RANBP2: variants seen among roughly 807,000 people sequenced by gnomAD.
RANBP2 encodes E3 SUMO-protein ligase RanBP2.
RANBP2 carries 57 observed loss-of-function variants against 303.6 expected under a neutral mutation model. The observed-to-expected ratio is 0.19, with a 90% confidence interval of 0.15 to 0.23. The LOEUF is 0.23. Among genes scored for constraint, RANBP2 ranks in the 10% least tolerant of loss-of-function variants. RANBP2 has a pLI of 1.00. For synonymous variants in RANBP2, 1,167 were observed against 1,301.5 expected (o/e 0.90, Z 2.23); for missense variants, 3,138 against 3,780.8 (o/e 0.83, Z 4.46).
the RANBP2 span, among the ~76,000 whole-genome samples, chr2:109,194,498 G>T: frequency 6.6e-6 from 1 of 152,256 alleles, no homozygotes; most frequent in Non-Finnish European, 1.5e-5. Flanking sequence ...ACAGGTGGGT[G>T]GTGCGCATCT....
rs180997571 is a variant in RANBP2 at position 108,742,508 on chromosome 2, G to T, written c.975+1827G>T. Among the ~76,000 whole-genome samples the T allele has an allele frequency of 1.9e-3, 289 of 151,958 alleles. 3 individuals carry two copies. Among genetic ancestry groups the T allele is most frequent in the African/African-American group, 6.8e-3 (280 of 41,436 alleles). On this transcript the variant is annotated intron_variant, in intron 7 of 28. Coordinates refer to ENST00000283195, the MANE Select transcript of RANBP2 (RefSeq NM_006267.5). ...TTTAATAGAGACGGGGTTTCACCAT[G>T]TTAGCCAGGATGGTCTCGATCTTCT... is the stretch of plus-strand genomic sequence containing the variant.
the RANBP2 span, among the ~76,000 whole-genome samples, chr2:108,952,829 T>G: frequency 6.6e-6 from 1 of 152,250 alleles, no homozygotes; most frequent in East Asian, 1.9e-4. Flanking sequence ...TAAATAGCAC[T>G]GAGTTTTACT....
At chr2:109,592,929 G>A in the RANBP2 span, 10 of 509,516 alleles carry the variant, frequency 2.0e-5, no homozygotes, top group East Asian at 6.4e-5. Flanking sequence ...ATTAATTCAC[G>A]TTGGAGGTAA....
the RANBP2 span, among the ~76,000 whole-genome samples, chr2:109,279,047 G>A: frequency 6.6e-6 from 1 of 152,202 alleles, no homozygotes; most frequent in Non-Finnish European, 1.5e-5. Flanking sequence ...CCAGGGTGAT[G>A]GGGGAGCATG....
At chr2:109,597,591 T>C in the RANBP2 span, among the ~76,000 whole-genome samples, 1 of 152,228 alleles carries the variant, frequency 6.6e-6, no homozygotes, top group Non-Finnish European at 1.5e-5. Flanking sequence ...GTCAATTTGC[T>C]TTTCCTGTAG....
the RANBP2 span, among the ~76,000 whole-genome samples, chr2:108,919,581 C>T: frequency 6.6e-6 from 1 of 152,170 alleles, no homozygotes; most frequent in Non-Finnish European, 1.5e-5. Context: ...TGATCTTGAA[C>T]TCCCAACCTT....
chr2:109,340,914 A>G, the RANBP2 span, among the ~76,000 whole-genome samples: 2 of 152,226 alleles, frequency 1.3e-5, no homozygotes, highest in Non-Finnish European at 2.9e-5. Flanking sequence ...GAAGAAAAAA[A>G]AAATTTGCTT....
the RANBP2 span, among the ~76,000 whole-genome samples, chr2:109,089,597 C>T: frequency 6.6e-6 from 1 of 152,008 alleles, no homozygotes. Flanking sequence ...CAGAGCAAGA[C>T]CTTGTCTCTA....
chr2:109,309,957 C>G, the RANBP2 span, among the ~76,000 whole-genome samples: 1 of 125,064 alleles, frequency 8.0e-6, no homozygotes, highest in Non-Finnish European at 1.6e-5. Flanking sequence ...ACAAGGATAC[C>G]CAAGAATTGA....
At chr2:109,499,388 A>ATT in the RANBP2 span, among the ~76,000 whole-genome samples, 7 of 152,100 alleles carry the variant, frequency 4.6e-5, no homozygotes, top group Admixed American at 4.6e-4. Flanking sequence ...CTGCCACAAA[A>ATT]TCCACCACAT....
At chr2:109,258,385 G>A in the RANBP2 span, among the ~76,000 whole-genome samples, 1 of 152,308 alleles carries the variant, frequency 6.6e-6, no homozygotes, top group Admixed American at 6.5e-5. Context: ...GTGCAGCCGG[G>A]TTTTCTGCAG....
At chr2:109,114,548 G>T in the RANBP2 span, among the ~76,000 whole-genome samples, 1 of 151,478 alleles carries the variant, frequency 6.6e-6, no homozygotes, top group Non-Finnish European at 1.5e-5. Context: ...TCTTGCTAGC[G>T]GTCTATCAAT....
the RANBP2 span, among the ~76,000 whole-genome samples, chr2:108,936,075 G>C: frequency 1.3e-5 from 2 of 152,234 alleles, no homozygotes. Context: ...GCCTCGGCTG[G>C]CAGATGGTCC....
chr2:109,090,066 C>T, the RANBP2 span, among the ~76,000 whole-genome samples: 487 of 152,190 alleles, frequency 3.2e-3, 2 homozygotes, highest in African/African-American at 0.011. Context: ...GCAGCCTAAA[C>T]GACCTGACAG....
the RANBP2 span, among the ~76,000 whole-genome samples, chr2:109,365,366 G>T: frequency 2.0e-5 from 3 of 152,188 alleles, no homozygotes; most frequent in Non-Finnish European, 4.4e-5. Flanking sequence ...GGCCCTCCTA[G>T]CCGAGCACTG....
chr2:108,793,158 C>G, the RANBP2 span, among the ~76,000 whole-genome samples: 1 of 151,086 alleles, frequency 6.6e-6, no homozygotes, highest in East Asian at 2.0e-4. Context: ...GAGATCCAGA[C>G]CATCCTGGCT....
At chr2:108,726,411 CCTTT>C (rs1694710205) in intron 1 of RANBP2, among the ~76,000 whole-genome samples, 1 of 150,888 alleles carries the variant, frequency 6.6e-6, no homozygotes, top group African/African-American at 2.4e-5. Flanking sequence ...TATAGTGCTT[CCTTT>C]AAGTGAAGAG....
At chr2:108,851,145 A>G in the RANBP2 span, among the ~76,000 whole-genome samples, 2 of 152,196 alleles carry the variant, frequency 1.3e-5, no homozygotes, top group Admixed American at 1.3e-4. Context: ...GGATATTGCA[A>G]ATGATGTAGA....
chr2:109,197,033 T>A, the RANBP2 span, among the ~76,000 whole-genome samples: 1 of 152,210 alleles, frequency 6.6e-6, no homozygotes, highest in Non-Finnish European at 1.5e-5. Context: ...TGGGTGCCAC[T>A]GTTTTCCCTT....
Sources: gnomAD v4.1 joint callset for allele counts (sites outside exome capture counted in the v4.1 genomes callset) on GRCh38, gnomAD v4.1.1 for gene constraint, MANE v1.5 for transcripts, NCBI Gene and HGNC (gene_info 2026-07-23, HGNC 2026-07-21) for gene names.